TCTA: variants seen among roughly 807,000 people sequenced by gnomAD.
TCTA encodes the protein T-cell leukemia translocation-altered gene protein.
A neutral mutation model predicts 13.5 loss-of-function variants in TCTA; 13 were observed. The ratio of observed to expected loss-of-function variants is 0.96; its 90% CI spans 0.63 to 1.53. The LOEUF (loss-of-function observed/expected upper bound fraction) is 1.53. TCTA is among the 40% of genes most tolerant of loss of function. The pLI is 0.00. For synonymous variants in TCTA, 58 were observed against 59.0 expected (o/e 0.98, Z 0.08); for missense variants, 138 against 131.3 (o/e 1.05, Z -0.25).
intron 1 of TCTA, 133 bp from the exon 2 acceptor site, chr3:49,412,923 A>AT: frequency 1.1e-6 from 1 of 883,404 alleles, no homozygotes; most frequent in East Asian, 2.7e-5. Context: ...TCACCTGGCA[A>AT]TACCATTAGT....
In TCTA at chr3:49,413,125, C is replaced by A. The variant is rs1338575147; in HGVS notation, c.269+15C>A. The A allele has an allele frequency of 6.2e-7, 1 of 1,613,992 alleles. No individual in the cohort carries two copies. The highest frequency in any genetic ancestry group is 8.5e-7 in the Non-Finnish European group (1 of 1,179,952). ...TTCCCTTCGTGGTGAGTAAATCTGTCCATACCGCAACCCCATGCTTGGCAT... is the reference window on the plus strand; with the variant it reads ...TTCCCTTCGTGGTGAGTAAATCTGTACATACCGCAACCCCATGCTTGGCAT... On this transcript the variant is annotated intron_variant, in intron 2 of 2. Coordinates refer to ENST00000273590, the MANE Select transcript of TCTA (RefSeq NM_022171.3).
At chr3:49,412,912 C>G (rs1311513067) in intron 1 of TCTA, 144 bp from the exon 2 acceptor site, 17 of 830,212 alleles carry the variant, frequency 2.0e-5, no homozygotes, top group Non-Finnish European at 3.3e-5. Context: ...CCTCAGAACT[C>G]TCACCTGGCA....
At chr3:49,413,403 G>T in intron 2 of TCTA, 1 of 435,636 alleles carries the variant, frequency 2.3e-6, no homozygotes, top group Non-Finnish European at 4.2e-6. Flanking sequence ...CCCTCAGTTG[G>T]GAAGGCAGTA....
chr3:49,415,005 C>G lies in TCTA; in HGVS notation c.*143C>G. 1.1e-6 allele frequency: 1 copy of G among 914,438 alleles called. No individual in the cohort carries two copies. 56.6% of individuals were successfully genotyped at this position (914,438 alleles called of 1,614,324 possible). A position where few individuals can be genotyped will look rare whatever the true frequency, so the allele number is the denominator to read the frequency against. ...GTACCCAGTGCCTACAGGGCTGGGC[C>G]TCTTCTGCCTCTTAAGCCTGCTCCC... On this transcript the variant is annotated 3_prime_UTR_variant, in exon 3 of 3. Coordinates refer to ENST00000273590, the MANE Select transcript of TCTA (RefSeq NM_022171.3).
chr3:49,413,171 G>A, intron 2 of TCTA, 61 bp downstream of exon 2: 2 of 1,593,978 alleles, frequency 1.3e-6, no homozygotes, highest in South Asian at 1.1e-5. Context: ...CTCCTGTGCT[G>A]GTGACAGAGA....
chr3:49,414,912 T>C lies in TCTA; in HGVS notation c.*50T>C. ...GGGCATCACTGGGTCTGCTGGCTTC[T>C]ACACTGGGTTCTGCTACTCCCCAGA... On this transcript the variant is annotated 3_prime_UTR_variant, in exon 3 of 3. Coordinates refer to ENST00000273590, the MANE Select transcript of TCTA (RefSeq NM_022171.3). The C allele has an allele frequency of 6.2e-7, 1 of 1,611,426 alleles. No individual in the cohort carries two copies. Among genetic ancestry groups the C allele is most frequent in the Non-Finnish European group, 8.5e-7 (1 of 1,177,874 alleles).
intron 2 of TCTA, 188 bp downstream of exon 2, chr3:49,413,298 T>C (rs921296379): frequency 6.5e-6 from 4 of 612,536 alleles, no homozygotes; most frequent in Non-Finnish European, 1.2e-5. Flanking sequence ...CAGTCCATCA[T>C]CATGCTGTTC....
Position 49,415,028 on chromosome 3 carries a change from C to A in TCTA, c.*166C>A. 1.4e-6 allele frequency: 1 copy of A among 731,496 alleles called. No homozygotes were observed. Among genetic ancestry groups the A allele is most frequent in the African/African-American group, 1.8e-5 (1 of 56,242 alleles). The allele number at this position is 731,496 out of a possible 1,614,324, so 45.3% of individuals were successfully genotyped here. A position where few individuals can be genotyped will look rare whatever the true frequency, so the allele number is the denominator to read the frequency against. Reference sequence around the variant, plus strand: ...GCCTCTTCTGCCTCTTAAGCCTGCTCCCTCACCCAGGCACTGGGCAAGTGA... The same window carrying A: ...GCCTCTTCTGCCTCTTAAGCCTGCTACCTCACCCAGGCACTGGGCAAGTGA... On this transcript the variant is annotated 3_prime_UTR_variant, in exon 3 of 3. Coordinates refer to ENST00000273590, the MANE Select transcript of TCTA (RefSeq NM_022171.3).
intron 1 of TCTA, 97 bp downstream of exon 1, chr3:49,412,737 T>C: frequency 7.1e-7 from 1 of 1,399,284 alleles, no homozygotes; most frequent in Non-Finnish European, 9.8e-7. Context: ...AAGAGGCTCA[T>C]CAGAACTTAA....
chr3:49,413,605 G>C (rs1389954289), intron 2 of TCTA, among the ~76,000 whole-genome samples: 1 of 152,108 alleles, frequency 6.6e-6, no homozygotes, highest in Non-Finnish European at 1.5e-5. Context: ...GGGGAGGGCG[G>C]CAGTGCATGG....
rs1260038358 is a variant in TCTA at position 49,412,504 on chromosome 3, G to T, written c.78G>T (p.Leu26Phe). 1 of 1,614,078 alleles carries T rather than the reference G, an allele frequency of 6.2e-7. No individual in the cohort carries two copies. The highest frequency in any genetic ancestry group is 8.5e-7 in the Non-Finnish European group (1 of 1,180,048). The change falls in exon 1 of 3, where the codon TTG (leucine) becomes TTT (phenylalanine). Residue 26 changes from leucine to phenylalanine, a missense_variant. Leu to Phe is a conservative substitution (Grantham distance 22, BLOSUM62 0). Coordinates refer to ENST00000273590, the MANE Select transcript of TCTA (RefSeq NM_022171.3). ...TGGGCGCGCTGGGCAGCGAGTTCTTGCGGGAGTGGGAGGCGCAGGACATGC... is the reference window on the plus strand; with the variant it reads ...TGGGCGCGCTGGGCAGCGAGTTCTTTCGGGAGTGGGAGGCGCAGGACATGC... ...TVLGALGSEF[L>F]REWEAQDMRV...
Position 49,415,660 on chromosome 3 carries a change from C to G in TCTA, c.*798C>G, listed in dbSNP as rs1575300822. ...AGGAGCCAGGGAATCCTGACCTGAGCCAGACCTTAAGCTCTATGGTTATTT... is the reference window on the plus strand; with the variant it reads ...AGGAGCCAGGGAATCCTGACCTGAGGCAGACCTTAAGCTCTATGGTTATTT... On this transcript the variant is annotated 3_prime_UTR_variant, in exon 3 of 3. Transcript: ENST00000273590. The G allele has an allele frequency of 6.6e-6, 1 of 152,246 alleles. No individual in the cohort carries two copies. The highest frequency in any genetic ancestry group is 2.1e-4 in the South Asian group (1 of 4,834). 9.4% of individuals were successfully genotyped at this position (152,246 alleles called of 1,614,324 possible).
At chr3:49,414,034 G>A (rs2048980680) in intron 2 of TCTA, among the ~76,000 whole-genome samples, 1 of 152,230 alleles carries the variant, frequency 6.6e-6, no homozygotes, top group African/African-American at 2.4e-5. Context: ...GAGGTCAGGA[G>A]TTTGAGACTA....
chr3:49,413,190 C>A, intron 2 of TCTA, 80 bp downstream of exon 2: 1 of 1,540,380 alleles, frequency 6.5e-7, no homozygotes, highest in South Asian at 1.1e-5. Context: ...GAGGGGAGTT[C>A]TCAGGCTTTA....
chr3:49,413,665 G>A (rs567120382), intron 2 of TCTA, among the ~76,000 whole-genome samples: 1 of 152,254 alleles, frequency 6.6e-6, no homozygotes, highest in East Asian at 1.9e-4. Context: ...CCTAAGCCGA[G>A]ATCAAATGCC....
In TCTA at chr3:49,415,750, A is replaced by C. The variant is rs985786382; in HGVS notation, c.*888A>C. 2 of 152,298 alleles carry C rather than the reference A, an allele frequency of 1.3e-5. No homozygotes were observed. Among genetic ancestry groups the C allele is most frequent in the African/African-American group, 2.4e-5 (1 of 41,432 alleles). 9.4% of individuals were successfully genotyped at this position (152,298 alleles called of 1,614,324 possible). On this transcript the variant is annotated 3_prime_UTR_variant, in exon 3 of 3. Transcript: ENST00000273590. ...TGGCACTATCCAGATGGAGGCACCAAACACCCACATACCTGGCCCAACCAG... is the reference window on the plus strand; with the variant it reads ...TGGCACTATCCAGATGGAGGCACCACACACCCACATACCTGGCCCAACCAG...
Position 49,412,479 on chromosome 3 carries a change from T to C in TCTA, c.53T>C (p.Leu18Pro). The stretch of plus-strand genomic sequence containing the variant: ...TTGCAGGCTCTGCCGGCCACGGTGC[T>C]GGGCGCGCTGGGCAGCGAGTTCTTG... ...QALQALPATVLGALGSEFLRE... is the reference protein window; with the variant it reads ...QALQALPATVPGALGSEFLRE... The change falls in exon 1 of 3, where the codon CTG becomes CCG. Residue 18 changes from leucine (L) to proline (P), a missense_variant. Physicochemically the swap from Leu to Pro is moderately conservative, Grantham distance 98 (BLOSUM62 -3). Transcript: ENST00000273590. 1 of 1,613,858 alleles carries C rather than the reference T, an allele frequency of 6.2e-7. No homozygotes were observed. The highest frequency in any genetic ancestry group is 1.7e-4 in the Middle Eastern group (1 of 5,960).
rs756931110 is a variant in TCTA, at chr3:49,413,104, C to G, written c.263C>G (p.Pro88Arg). The G allele has an allele frequency of 1.2e-6, 2 of 1,614,194 alleles. No homozygotes were observed. The highest frequency in any genetic ancestry group is 1.7e-6 in the Non-Finnish European group (2 of 1,180,018). The change falls in exon 2 of 3, where the codon CCT becomes CGT. Residue 88 changes from proline to arginine, a missense_variant. Physicochemically the swap from Pro to Arg is moderately radical, Grantham distance 103. Transcript: ENST00000273590. ...GSTPDGSTHF[P>R]SWEMAANEPL... ...ACGCCTGATGGCTCCACGCATTTCC[C>G]TTCGTGGTGAGTAAATCTGTCCATA...
rs375692245 is a variant in TCTA at position 49,412,680 on chromosome 3, G to GCCCCCA, written c.214+44_214+49dup. On this transcript the variant is annotated intron_variant, in intron 1 of 2. Coordinates refer to ENST00000273590, the MANE Select transcript of TCTA (RefSeq NM_022171.3). ...GAACCTCCGTGGGCTGGCCGCCCCC[G>GCCCCCA]CCCCCACCCTCTCCCGACTGTACCA... 68 of 1,560,576 alleles carry GCCCCCA rather than the reference G, an allele frequency of 4.4e-5. 1 individual carries two copies. Among genetic ancestry groups the GCCCCCA allele is most frequent in the Middle Eastern group, 3.6e-4 (2 of 5,608 alleles).
Sources: allele counts gnomAD v4.1 joint callset (sites outside exome capture counted in the v4.1 genomes callset), GRCh38; gene constraint gnomAD v4.1.1; transcripts MANE v1.5; gene names NCBI Gene and HGNC (gene_info 2026-07-23, HGNC 2026-07-21).